ZMAT4: variants seen among roughly 807,000 people sequenced by gnomAD.
ZMAT4 encodes zinc finger matrin-type protein 4.
In ZMAT4, 17 loss-of-function variants were observed where a neutral mutation model predicts 28.7. The observed-to-expected ratio is 0.59, with a 90% CI of 0.41 to 0.89. ZMAT4 has a LOEUF of 0.89. Ranked by LOEUF, ZMAT4 falls within the 40% of genes least tolerant of loss-of-function variation. The pLI is 0.00. For missense variants in ZMAT4, 240 were observed against 283.8 expected (o/e 0.85, Z 1.11); for synonymous variants, 117 against 109.2 (o/e 1.07, Z -0.44).
At chr8:40,707,113 A>G (rs968523664) in intron 3 of ZMAT4, among the ~76,000 whole-genome samples, 6 of 152,072 alleles carry the variant, frequency 3.9e-5, no homozygotes, top group South Asian at 2.1e-4. Flanking sequence ...TCTATATGCA[A>G]GGGCCACTCA....
intron 1 of ZMAT4, among the ~76,000 whole-genome samples, chr8:40,832,574 C>T (rs149537319): frequency 3.3e-5 from 5 of 152,294 alleles, no homozygotes; most frequent in African/African-American, 1.2e-4. Flanking sequence ...TGGCCCCGAG[C>T]CCAGCTGCCC....
chr8:40,759,279 C>T (rs1316009575), intron 3 of ZMAT4, among the ~76,000 whole-genome samples: 8 of 19,352 alleles, frequency 4.1e-4, no homozygotes, highest in African/African-American at 1.1e-3. Context: ...GAGACTCCAT[C>T]TCAAAAAAAA....
intron 2 of ZMAT4, among the ~76,000 whole-genome samples, chr8:40,821,046 GGT>G (rs959124052): frequency 4.1e-5 from 6 of 146,132 alleles, no homozygotes; most frequent in African/African-American, 9.9e-5. Context: ...TGTATGTGTG[GGT>G]GTGTGTGTGT....
rs549702907 is a variant in ZMAT4, at chr8:40,811,709, G to A, written c.102+13866C>T. ...AATAGATGCTCATTATGGAGTATTA[G>A]ACAGCAGTTAGAAGCCATAGATTAC... On this transcript the variant is annotated intron_variant, in intron 2 of 6. Transcript: ENST00000297737. Among the ~76,000 whole-genome samples the A allele has an allele frequency of 5.9e-5, 9 of 152,318 alleles. No individual in the cohort carries two copies. In the South Asian group the frequency reaches 1.9e-3, roughly 32 times the overall value.
intron 1 of ZMAT4, among the ~76,000 whole-genome samples, chr8:40,873,998 T>C (rs1020232852): frequency 6.6e-6 from 1 of 152,158 alleles, no homozygotes; most frequent in Admixed American, 6.5e-5. Context: ...AAAGGGAAGA[T>C]GATGAGTGAC....
intron 3 of ZMAT4, among the ~76,000 whole-genome samples, chr8:40,767,039 A>C (rs1344659913): frequency 6.6e-6 from 1 of 152,162 alleles, no homozygotes; most frequent in Non-Finnish European, 1.5e-5. Flanking sequence ...GGGAGGAAGG[A>C]ATATTTATTT....
At chr8:40,885,673 C>T (rs771921082) in intron 1 of ZMAT4, among the ~76,000 whole-genome samples, 8 of 152,214 alleles carry the variant, frequency 5.3e-5, no homozygotes, top group Admixed American at 1.3e-4. Context: ...TGTTACTCCT[C>T]AGCTCAAAAA....
intron 5 of ZMAT4, among the ~76,000 whole-genome samples, chr8:40,584,823 G>A (rs866041110): frequency 9.2e-5 from 14 of 152,108 alleles, no homozygotes; most frequent in African/African-American, 2.4e-4. Context: ...TAGTAGAGAC[G>A]GAGTTTCACC....
At chr8:40,637,672 A>T (rs2118749467) in intron 5 of ZMAT4, among the ~76,000 whole-genome samples, 1 of 152,352 alleles carries the variant, frequency 6.6e-6, no homozygotes, top group Admixed American at 6.5e-5. Flanking sequence ...CCATGATGAC[A>T]ACTTGGACAA....
chr8:40,825,479 G>C, intron 2 of ZMAT4, 96 bp downstream of exon 2: 1 of 1,012,510 alleles, frequency 9.9e-7, no homozygotes, highest in Non-Finnish European at 1.5e-6. Flanking sequence ...CTTCAAATGT[G>C]CCCCAAGTCC....
chr8:40,681,132 T>G (rs1439868107), intron 4 of ZMAT4, among the ~76,000 whole-genome samples: 1 of 152,118 alleles, frequency 6.6e-6, no homozygotes, highest in African/African-American at 2.4e-5. Context: ...GTCCCTTGAT[T>G]AATAAGCAGC....
At chr8:40,781,558 C>T (rs1016776684) in intron 2 of ZMAT4, among the ~76,000 whole-genome samples, 6 of 150,874 alleles carry the variant, frequency 4.0e-5, no homozygotes, top group Non-Finnish European at 8.9e-5. Context: ...GTCAGGAGTT[C>T]GAGACCATCC....
chr8:40,589,762 T>TTTTC (rs1180871124), intron 5 of ZMAT4, among the ~76,000 whole-genome samples: 1 of 33,528 alleles, frequency 3.0e-5, no homozygotes, highest in South Asian at 1.1e-3. Flanking sequence ...CTTTCTTTCT[T>TTTTC]TTTCTTTCTT....
intron 3 of ZMAT4, among the ~76,000 whole-genome samples, chr8:40,708,982 C>G (rs1427286355): frequency 6.6e-6 from 1 of 151,968 alleles, no homozygotes; most frequent in Non-Finnish European, 1.5e-5. Context: ...AGAAAACTCT[C>G]CTACAATTAA....
chr8:40,782,829 T>A (rs998224724), intron 2 of ZMAT4, among the ~76,000 whole-genome samples: 4 of 152,192 alleles, frequency 2.6e-5, no homozygotes, highest in Non-Finnish European at 5.9e-5. Context: ...TGGTAAAATA[T>A]TCACCATCAT....
chr8:40,573,818 T>G (rs1037567656), intron 6 of ZMAT4, among the ~76,000 whole-genome samples: 1 of 152,168 alleles, frequency 6.6e-6, no homozygotes, highest in Non-Finnish European at 1.5e-5. Flanking sequence ...CACTAATCAC[T>G]AATCCATGAA....
chr8:40,838,766 CA>C (rs913254417), intron 1 of ZMAT4, among the ~76,000 whole-genome samples: 8 of 151,960 alleles, frequency 5.3e-5, no homozygotes, highest in African/African-American at 1.7e-4. Context: ...TGGAAGGAAA[CA>C]AAAGACATGA....
At chr8:40,874,110 C>A (rs953288847) in intron 1 of ZMAT4, among the ~76,000 whole-genome samples, 3 of 152,188 alleles carry the variant, frequency 2.0e-5, no homozygotes, top group Non-Finnish European at 4.4e-5. Context: ...CTGTAACTTC[C>A]GCCCCAGACA....
At chr8:40,785,334 A>G (rs1814025745) in intron 2 of ZMAT4, among the ~76,000 whole-genome samples, 1 of 152,260 alleles carries the variant, frequency 6.6e-6, no homozygotes, top group Admixed American at 6.5e-5. Flanking sequence ...AGACAGATTA[A>G]TAACTGCCCA....
Sources: gnomAD v4.1 joint callset for allele counts (sites outside exome capture counted in the v4.1 genomes callset) on GRCh38, gnomAD v4.1.1 for gene constraint, MANE v1.5 for transcripts, NCBI Gene and HGNC (gene_info 2026-07-23, HGNC 2026-07-21) for gene names.